The following LOXL3 variants were observed in gnomAD, a reference collection of about 807,000 sequenced individuals.
LOXL3 encodes the protein lysyl oxidase homolog 3.
LOXL3 carries 60 observed loss-of-function variants against 91.8 expected under a neutral mutation model. That is an observed-to-expected ratio of 0.65 (90% CI 0.53 to 0.81). LOXL3 has a LOEUF of 0.81. Ranked by LOEUF, LOXL3 falls within the 30% of genes least tolerant of loss-of-function variation. The probability of loss-of-function intolerance (pLI) is 0.00; values close to 1 mark genes in which losing one functional copy is unlikely to be tolerated. For synonymous variants in LOXL3, 355 were observed against 387.6 expected, an observed-to-expected ratio of 0.92 and a Z score of 0.99; for missense variants, 874 against 1,000.4, an observed-to-expected ratio of 0.87 and a Z score of 1.70.
intron 1 of LOXL3, chr2:74,552,891 G>A (rs184237027): frequency 8.8e-5 from 41 of 465,590 alleles, no homozygotes; most frequent in African/African-American, 6.7e-4. Flanking sequence ...AACTATGAGA[G>A]ATCGAGAGTC....
rs1434099828 is a variant in LOXL3, at chr2:74,549,328, C to A, written c.692+41G>T. On this transcript the variant is annotated intron_variant, in intron 4 of 13. Coordinates refer to ENST00000264094, the MANE Select transcript of LOXL3 (RefSeq NM_032603.5). The surrounding 1 kb of genome is among the most constrained non-coding windows in gnomAD (Gnocchi z 5.3). The stretch of plus-strand genomic sequence containing the variant: ...CCAAGGCTATTCATCAGGGAGCACC[C>A]CAATCCCGGCCTGCTCCGCCCGGCG... 2.6e-6 allele frequency: 4 copies of A among 1,525,028 alleles called. No homozygotes were observed. The highest frequency in any genetic ancestry group is 2.5e-5 in the East Asian group (1 of 40,512). 94.5% of individuals were successfully genotyped at this position (1,525,028 alleles called of 1,614,324 possible).
Position 74,536,610 on chromosome 2 carries a change from T to C in LOXL3, c.912+99A>G. 1 of 1,476,562 alleles carries C rather than the reference T, an allele frequency of 6.8e-7. No individual in the cohort carries two copies. The highest frequency in any genetic ancestry group is 9.3e-7 in the Non-Finnish European group (1 of 1,073,778). The allele number at this position is 1,476,562 out of a possible 1,614,324, so 91.5% of individuals were successfully genotyped here. Reference sequence around the variant, plus strand: ...TGTGGCCCACCCCCTGGAAGGCTCCTCTCTGTCCTCAAAGGTCAGGGCTGT... The same window carrying C: ...TGTGGCCCACCCCCTGGAAGGCTCCCCTCTGTCCTCAAAGGTCAGGGCTGT... On this transcript the variant is annotated intron_variant, in intron 5 of 13. Transcript: ENST00000264094. This position sits in a 1 kb window ranked among gnomAD's most constrained non-coding sequence, Gnocchi z 4.5.
At chr2:74,543,856 G>A (rs1416965223) in intron 4 of LOXL3, among the ~76,000 whole-genome samples, 3 of 132,412 alleles carry the variant, frequency 2.3e-5, no homozygotes, top group Admixed American at 1.7e-4. Flanking sequence ...AACCAAGATT[G>A]CACCAGTACA....
intron 1 of LOXL3, chr2:74,553,028 A>C: frequency 5.0e-6 from 1 of 200,350 alleles, no homozygotes; most frequent in East Asian, 1.2e-4. Flanking sequence ...CCAGAAAGAC[A>C]CAGAGGAGAG....
At chr2:74,542,907 G>C (rs1288091150) in intron 4 of LOXL3, among the ~76,000 whole-genome samples, 1 of 152,042 alleles carries the variant, frequency 6.6e-6, no homozygotes, top group South Asian at 2.1e-4. Flanking sequence ...TTACAGGTGT[G>C]AGCCACCATG....
rs756565572 is a variant in LOXL3, at chr2:74,535,345, A to G, written c.1526T>C (p.Ile509Thr). 1.9e-6 allele frequency: 3 copies of G among 1,614,044 alleles called. No homozygotes were observed. Among genetic ancestry groups the G allele is most frequent in the Non-Finnish European group, 2.5e-6 (3 of 1,179,996 alleles). The part of the protein sequence containing the change: ...LDQCAHHGTH[I>T]TCKRTGTRFT... ...GCGGGTCCCTGTCCTCTTGCAGGTGATGTGGGTGCCATGATGGGCACACTG... is the reference window on the plus strand; with the variant it reads ...GCGGGTCCCTGTCCTCTTGCAGGTGGTGTGGGTGCCATGATGGGCACACTG... Residue 509 changes from isoleucine to threonine, a missense_variant, in exon 9 of 14, where the codon ATC (isoleucine) becomes ACC (threonine). Coordinates refer to ENST00000264094, the MANE Select transcript of LOXL3 (RefSeq NM_032603.5). This position sits in a 1 kb window ranked among gnomAD's most constrained non-coding sequence, Gnocchi z 4.2.
In LOXL3 at chr2:74,532,563, C is replaced by G. The variant is rs1018943567; in HGVS notation, c.*1043G>C. On this transcript the variant is annotated 3_prime_UTR_variant, in exon 14 of 14. Transcript: ENST00000264094. Reference sequence around the variant, plus strand: ...TGTTGATGAGAGACTTGAGGTGGAACTCAGGATGGGGAGAATGCCTGGGTT... The same window carrying G: ...TGTTGATGAGAGACTTGAGGTGGAAGTCAGGATGGGGAGAATGCCTGGGTT... 1.4e-6 allele frequency: 2 copies of G among 1,395,866 alleles called. No homozygotes were observed. The highest frequency in any genetic ancestry group is 3.5e-5 in the Admixed American group (2 of 57,702). The allele number at this position is 1,395,866 out of a possible 1,614,324, so 86.5% of individuals were successfully genotyped here. A position where few individuals can be genotyped will look rare whatever the true frequency, so the allele number is the denominator to read the frequency against.
intron 4 of LOXL3, among the ~76,000 whole-genome samples, chr2:74,540,703 TCACCCAGGCTGCAGTGAGC>T (rs1676277044): frequency 6.9e-6 from 1 of 144,714 alleles, no homozygotes; most frequent in Non-Finnish European, 1.5e-5. Context: ...GGTTACTCTG[TCACCCAGGCTGCAGTGAGC>T]CATGGTGCAA....
At chr2:74,538,602 G>A (rs1404632285) in intron 4 of LOXL3, among the ~76,000 whole-genome samples, 1 of 152,190 alleles carries the variant, frequency 6.6e-6, no homozygotes, top group Non-Finnish European at 1.5e-5. Context: ...GAGCCTAATT[G>A]TGGAAAATGA....
rs1276796621 is a variant in LOXL3 at position 74,535,688 on chromosome 2, G to T, written c.1316C>A (p.Pro439His). The change falls in exon 8 of 14, where the codon CCC (proline) becomes CAC (histidine). Residue 439 changes from proline (P) to histidine (H), a missense_variant. Physicochemically the swap from Pro to His is moderately conservative, Grantham distance 77 (BLOSUM62 -2). Coordinates refer to ENST00000264094, the MANE Select transcript of LOXL3 (RefSeq NM_032603.5). This position sits in a 1 kb window ranked among gnomAD's most constrained non-coding sequence, Gnocchi z 4.2. ...CCCACAGATGAGGCCCCAGCGAAGG[G>T]GCCCAGGTCCCCCTATTTGCACCTC... ...RVEVQIGGPG[P>H]LRWGLICGDD... 1 of 1,608,284 alleles carries T rather than the reference G, an allele frequency of 6.2e-7. No homozygotes were observed. Among genetic ancestry groups the T allele is most frequent in the Non-Finnish European group, 8.5e-7 (1 of 1,178,608 alleles).
At chr2:74,543,481 C>T (rs1228995076) in intron 4 of LOXL3, among the ~76,000 whole-genome samples, 1 of 152,140 alleles carries the variant, frequency 6.6e-6, no homozygotes, top group South Asian at 2.1e-4. Flanking sequence ...CCTGACTTCT[C>T]CCTTTCTTGG....
Position 74,532,320 on chromosome 2 carries a change from T to G in LOXL3, c.*1286A>C. On this transcript the variant is annotated 3_prime_UTR_variant, in exon 14 of 14. Coordinates refer to ENST00000264094, the MANE Select transcript of LOXL3 (RefSeq NM_032603.5). Reference sequence around the variant, plus strand: ...TTTTATATGGTTAATATCAGATCCATCCTTTTAGGCTCAACTTAAGTTCTT... The same window carrying G: ...TTTTATATGGTTAATATCAGATCCAGCCTTTTAGGCTCAACTTAAGTTCTT... 2.1e-6 allele frequency: 1 copy of G among 485,288 alleles called. No homozygotes were observed. The highest frequency in any genetic ancestry group is 3.8e-6 in the Non-Finnish European group (1 of 266,472). The allele number at this position is 485,288 out of a possible 1,614,324, so 30.1% of individuals were successfully genotyped here.
At chr2:74,555,318 C>G (rs374772932), upstream of LOXL3, 20 of 1,613,966 alleles carry the variant, frequency 1.2e-5, no homozygotes, top group Middle Eastern at 1.6e-4. This position sits in a 1 kb window ranked among gnomAD's most constrained non-coding sequence, Gnocchi z 6.1. Flanking sequence ...GTGTGGCCCC[C>G]GTCACCGTGG....
In LOXL3 at chr2:74,533,648, C is replaced by T. The variant is rs754904328; in HGVS notation, c.2220G>A (p.Arg740=). The T allele has an allele frequency of 6.2e-7, 1 of 1,614,030 alleles. No individual in the cohort carries two copies. Among genetic ancestry groups the T allele is most frequent in the Non-Finnish European group, 8.5e-7 (1 of 1,179,988 alleles). ...GDAFSEEANR[R]FERYPGQTSN... Reference sequence around the variant, plus strand: ...TGGTCTGGCCAGGGTAGCGTTCAAACCTCCTGTTGGCCTCTTCACTGAAGG... The same window carrying T: ...TGGTCTGGCCAGGGTAGCGTTCAAATCTCCTGTTGGCCTCTTCACTGAAGG... The change falls in exon 14 of 14, where the codon AGG becomes AGA. Residue 740 remains arginine (R), a synonymous_variant. Transcript: ENST00000264094.
At position 74,532,566 on chromosome 2, in the gene LOXL3, AGGATG is replaced by A. The variant is rs1385267341; in HGVS notation, c.*1035_*1039del. 1 of 1,416,892 alleles carries A rather than the reference AGGATG, an allele frequency of 7.1e-7. No individual in the cohort carries two copies. The highest frequency in any genetic ancestry group is 9.9e-7 in the Non-Finnish European group (1 of 1,005,404). 87.8% of individuals were successfully genotyped at this position (1,416,892 alleles called of 1,614,324 possible). On this transcript the variant is annotated 3_prime_UTR_variant, in exon 14 of 14. Transcript: ENST00000264094. ...TGATGAGAGACTTGAGGTGGAACTC[AGGATG>A]GGGAGAATGCCTGGGTTTGGCTAAT...
chr2:74,536,094 A>G lies in LOXL3; in HGVS notation c.1150T>C (p.Trp384Arg), dbSNP rs775640190. ...VRCSGQELSL[W>R]KCPHKNITAE... ...GTGATGTTCTTGTGGGGGCACTTCCAGAGGGAGAGCTCCTGTCCAGAGCAG... is the reference window on the plus strand; with the variant it reads ...GTGATGTTCTTGTGGGGGCACTTCCGGAGGGAGAGCTCCTGTCCAGAGCAG... Residue 384 changes from tryptophan (W) to arginine (R), a missense_variant, in exon 7 of 14, where the codon TGG (tryptophan) becomes CGG (arginine). Transcript: ENST00000264094. This position sits in a 1 kb window ranked among gnomAD's most constrained non-coding sequence, Gnocchi z 4.5. 15 of 1,613,772 alleles carry G rather than the reference A, an allele frequency of 9.3e-6. No individual in the cohort carries two copies. The highest frequency in any genetic ancestry group is 1.2e-5 in the Non-Finnish European group (14 of 1,179,948).
intron 4 of LOXL3, among the ~76,000 whole-genome samples, chr2:74,546,405 G>A (rs1348970029): frequency 2.0e-5 from 3 of 152,124 alleles, no homozygotes; most frequent in African/African-American, 7.2e-5. Context: ...ATGGCCCGCA[G>A]GATCTGGCTT....
chr2:74,545,681 C>T (rs1676548683), intron 4 of LOXL3, among the ~76,000 whole-genome samples: 1 of 152,154 alleles, frequency 6.6e-6, no homozygotes, highest in African/African-American at 2.4e-5. Context: ...CTTTACTTGG[C>T]TCCCAGGCCA....
chr2:74,543,227 G>T (rs1676416969), intron 4 of LOXL3, among the ~76,000 whole-genome samples: 1 of 152,160 alleles, frequency 6.6e-6, no homozygotes, highest in Non-Finnish European at 1.5e-5. Context: ...GGTCTTCTCT[G>T]CAGGCTCCTC....
Sources: allele counts gnomAD v4.1 joint callset (sites outside exome capture counted in the v4.1 genomes callset), GRCh38; gene constraint gnomAD v4.1.1; non-coding constraint Gnocchi (gnomAD v3.1); transcripts MANE v1.5; gene names NCBI Gene and HGNC (gene_info 2026-07-23, HGNC 2026-07-21).